The following MAP3K7CL variants were observed in gnomAD, a reference collection of about 807,000 sequenced individuals.
The protein encoded by MAP3K7CL is MAP3K7 C-terminal like, also known as MAP3K7 C-terminal-like protein.
In MAP3K7CL, 16 loss-of-function variants were observed where a neutral mutation model predicts 18.6. That is an observed-to-expected ratio of 0.86 (90% CI 0.58 to 1.31). The LOEUF (loss-of-function observed/expected upper bound fraction) is 1.31, where lower values mean the gene tolerates loss of function less well. MAP3K7CL is among the 50% of genes most tolerant of loss of function. The probability of loss-of-function intolerance (pLI) is 0.00; values close to 1 mark genes in which losing one functional copy is unlikely to be tolerated. For missense variants in MAP3K7CL, 163 were observed against 174.4 expected (o/e 0.93, Z 0.37); for synonymous variants, 65 against 66.8 (o/e 0.97, Z 0.13).
chr21:29,130,579 TG>T (rs1391004008), upstream of MAP3K7CL: 10 of 985,210 alleles, frequency 1.0e-5, no homozygotes, highest in South Asian at 2.3e-4. Flanking sequence ...CCCCACAACT[TG>T]CTGTTTATCA....
At chr21:29,099,965 C>T (rs972815571) in intron 4 of MAP3K7CL, among the ~76,000 whole-genome samples, 1 of 151,952 alleles carries the variant, frequency 6.6e-6, no homozygotes, top group African/African-American at 2.4e-5. Flanking sequence ...CGCCTGTAGT[C>T]CCAGCTACTC....
At chr21:29,119,931 C>T (rs2086564772) in intron 4 of MAP3K7CL, among the ~76,000 whole-genome samples, 1 of 152,136 alleles carries the variant, frequency 6.6e-6, no homozygotes, top group Non-Finnish European at 1.5e-5. Flanking sequence ...TCCCAGAGTG[C>T]TGGGATTACA....
intron 4 of MAP3K7CL, among the ~76,000 whole-genome samples, chr21:29,123,059 T>TATC (rs1405208686): frequency 0.18 from 17,983 of 100,994 alleles, 1,148 homozygotes; most frequent in Non-Finnish European, 0.22. Context: ...AATGATCTTT[T>TATC]TTTTTTTTTT....
chr21:29,130,707 G>A lies in MAP3K7CL; in HGVS notation c.-256G>A. On this transcript the variant is annotated 5_prime_UTR_variant, in exon 1 of 5. Transcript: ENST00000399928. ...GAGGGGTTGTGAAGGGAAGCGGAAGGGAAGGGAAGGGAGGTCCCGTGGGAC... is the reference window on the plus strand; with the variant it reads ...GAGGGGTTGTGAAGGGAAGCGGAAGAGAAGGGAAGGGAGGTCCCGTGGGAC... 1.0e-6 allele frequency: 1 copy of A among 985,544 alleles called. No homozygotes were observed. The highest frequency in any genetic ancestry group is 1.2e-6 in the Non-Finnish European group (1 of 829,992). 61.0% of individuals were successfully genotyped at this position (985,544 alleles called of 1,614,324 possible). A position where few individuals can be genotyped will look rare whatever the true frequency, so the allele number is the denominator to read the frequency against.
At chr21:29,078,296 TTTTG>T (rs771972078) in intron 1 of MAP3K7CL, among the ~76,000 whole-genome samples, 10 of 152,232 alleles carry the variant, frequency 6.6e-5, no homozygotes, top group Non-Finnish European at 1.3e-4. Flanking sequence ...TTCAGGATAT[TTTTG>T]TTGTTGTTAA....
At chr21:29,101,833 A>C (rs761608583) in intron 4 of MAP3K7CL, among the ~76,000 whole-genome samples, 3 of 152,232 alleles carry the variant, frequency 2.0e-5, no homozygotes, top group Non-Finnish European at 2.9e-5. Context: ...TTTATAAGTT[A>C]ACACATGTGC....
chr21:29,084,724 AAAGTT>A (rs1160657372), upstream of MAP3K7CL, among the ~76,000 whole-genome samples: 2 of 152,210 alleles, frequency 1.3e-5, no homozygotes, highest in African/African-American at 2.4e-5. Context: ...CATCGAGGTG[AAAGTT>A]AAATCACATC....
intron 4 of MAP3K7CL, among the ~76,000 whole-genome samples, chr21:29,163,173 G>A (rs1245925430): frequency 6.6e-6 from 1 of 152,124 alleles, no homozygotes; most frequent in Non-Finnish European, 1.5e-5. Context: ...TGGCTAGCAG[G>A]CTAGTGGAGG....
chr21:29,158,945 G>T, intron 3 of MAP3K7CL, among the ~76,000 whole-genome samples: 1 of 117,854 alleles, frequency 8.5e-6, no homozygotes, highest in African/African-American at 3.7e-5. Context: ...TTTTGCAATG[G>T]AGTCTCACTC....
chr21:29,093,783 G>T (rs886591151), intron 4 of MAP3K7CL, among the ~76,000 whole-genome samples: 33 of 151,998 alleles, frequency 2.2e-4, no homozygotes, highest in African/African-American at 7.7e-4. Context: ...GAGCCACCGC[G>T]CCCGGCCGAG....
At chr21:29,161,521 C>T (rs1174706752) in intron 4 of MAP3K7CL, among the ~76,000 whole-genome samples, 1 of 151,540 alleles carries the variant, frequency 6.6e-6, no homozygotes, top group Non-Finnish European at 1.5e-5. Flanking sequence ...GGTTGGTTTT[C>T]CAAGGGTTAT....
intron 4 of MAP3K7CL, among the ~76,000 whole-genome samples, chr21:29,162,068 A>T (rs2087562034): frequency 6.6e-6 from 1 of 152,190 alleles, no homozygotes; most frequent in African/African-American, 2.4e-5. Flanking sequence ...AGATTGCATG[A>T]TTACACACAG....
At chr21:29,104,890 C>T (rs2086293692) in intron 4 of MAP3K7CL, among the ~76,000 whole-genome samples, 2 of 152,200 alleles carry the variant, frequency 1.3e-5, no homozygotes, top group South Asian at 4.1e-4. Context: ...TGGACACAGG[C>T]CTAGCTTTGC....
At chr21:29,128,365 C>T (rs541066107), upstream of MAP3K7CL, among the ~76,000 whole-genome samples, 4 of 151,260 alleles carry the variant, frequency 2.6e-5, no homozygotes, top group African/African-American at 7.3e-5. Context: ...TGCAGTGGCA[C>T]GATTTAGGCT....
At chr21:29,112,610 C>T (rs903504706) in intron 4 of MAP3K7CL, among the ~76,000 whole-genome samples, 2 of 151,172 alleles carry the variant, frequency 1.3e-5, no homozygotes, top group Non-Finnish European at 1.5e-5. Context: ...CAGTTTCTTT[C>T]TTTTCCCTTG....
chr21:29,133,350 C>G lies in MAP3K7CL; in HGVS notation c.6C>G (p.Ile2Met). 6.4e-7 allele frequency: 1 copy of G among 1,550,468 alleles called. No homozygotes were observed. The highest frequency in any genetic ancestry group is 8.7e-7 in the Non-Finnish European group (1 of 1,146,916). Residue 2 changes from isoleucine (I) to methionine (M), a missense_variant, in exon 2 of 5, where the codon ATC becomes ATG. Transcript: ENST00000399928. M[I>M]STARVPADKP... ...GCGGAGGCTCAGGTGCCCACATGATCAGCACAGCCAGGGTACCTGCTGACA... is the reference window on the plus strand; with the variant it reads ...GCGGAGGCTCAGGTGCCCACATGATGAGCACAGCCAGGGTACCTGCTGACA...
At chr21:29,083,305 A>C (rs374849592), upstream of MAP3K7CL, among the ~76,000 whole-genome samples, 5 of 86,574 alleles carry the variant, frequency 5.8e-5, no homozygotes, top group African/African-American at 1.7e-4. Flanking sequence ...CGTGCAGCAC[A>C]TTCCCATTTA....
intron 1 of MAP3K7CL, among the ~76,000 whole-genome samples, chr21:29,089,793 A>C (rs2085990474): frequency 6.6e-6 from 1 of 150,476 alleles, no homozygotes; most frequent in Non-Finnish European, 1.5e-5. Context: ...GCAAGAAAAA[A>C]GAGGAAGGAA....
At chr21:29,094,741 G>A (rs1286272941) in intron 4 of MAP3K7CL, among the ~76,000 whole-genome samples, 1 of 152,086 alleles carries the variant, frequency 6.6e-6, no homozygotes, top group South Asian at 2.1e-4. Flanking sequence ...AGTGCCTTAC[G>A]GTTTCCTCTA....
Sources: allele counts gnomAD v4.1 joint callset (sites outside exome capture counted in the v4.1 genomes callset), GRCh38; gene constraint gnomAD v4.1.1; transcripts MANE v1.5; gene names NCBI Gene and HGNC (gene_info 2026-07-23, HGNC 2026-07-21).